Variants in KCND3 observed in about 807,000 individuals in gnomAD.
The protein encoded by KCND3 is potassium voltage-gated channel subfamily D member 3.
A neutral mutation model predicts 51.1 loss-of-function variants in KCND3; 9 were observed. The observed-to-expected ratio is 0.18, with a 90% CI of 0.11 to 0.31. The LOEUF (loss-of-function observed/expected upper bound fraction) is 0.31. Ranked by LOEUF, KCND3 falls within the 10% of genes least tolerant of loss-of-function variation. The pLI, the probability that KCND3 is intolerant of heterozygous loss-of-function variation, is 1.00. For missense variants in KCND3, 526 were observed against 903.8 expected (o/e 0.58, Z 5.36); for synonymous variants, 349 against 368.0 (o/e 0.95, Z 0.59).
chr1:111,857,873 T>C (rs1668154093), intron 2 of KCND3, among the ~76,000 whole-genome samples: 2 of 152,164 alleles, frequency 1.3e-5, no homozygotes, highest in South Asian at 4.1e-4. Flanking sequence ...CTAGAATGAA[T>C]GAATGATACT....
At chr1:111,838,331 G>C (rs1667161616) in intron 2 of KCND3, among the ~76,000 whole-genome samples, 1 of 152,174 alleles carries the variant, frequency 6.6e-6, no homozygotes, top group South Asian at 2.1e-4. Context: ...AATTTTCCCA[G>C]GTATGTGCTA....
chr1:111,898,719 C>T (rs573764515), intron 2 of KCND3, among the ~76,000 whole-genome samples: 2 of 152,140 alleles, frequency 1.3e-5, no homozygotes, highest in East Asian at 1.9e-4. Flanking sequence ...AAGGGCGAAA[C>T]GGAGACAGAA....
At chr1:111,809,108 G>GCT (rs1286034732) in intron 2 of KCND3, among the ~76,000 whole-genome samples, 1 of 152,204 alleles carries the variant, frequency 6.6e-6, no homozygotes, top group Non-Finnish European at 1.5e-5. Context: ...AAGCCTGGCT[G>GCT]CTGGGCTGTG....
intron 3 of KCND3, among the ~76,000 whole-genome samples, chr1:111,781,909 A>G (rs1664405428): frequency 6.6e-6 from 1 of 152,162 alleles, no homozygotes; most frequent in Admixed American, 6.5e-5. Flanking sequence ...TGAGAGAGGG[A>G]GAAGGGACTG....
chr1:111,958,667 TG>T (rs1673465747), intron 2 of KCND3, among the ~76,000 whole-genome samples: 1 of 152,242 alleles, frequency 6.6e-6, no homozygotes, highest in Non-Finnish European at 1.5e-5. Flanking sequence ...GGGATGCTTT[TG>T]TTGCTCCCCT....
At chr1:111,882,986 C>T (rs771000334) in intron 2 of KCND3, among the ~76,000 whole-genome samples, 2 of 152,202 alleles carry the variant, frequency 1.3e-5, no homozygotes, top group Non-Finnish European at 2.9e-5. Flanking sequence ...GCACCTTCCT[C>T]GAGAGCCTTC....
At chr1:111,797,206 G>A (rs1398521339) in intron 2 of KCND3, among the ~76,000 whole-genome samples, 2 of 152,198 alleles carry the variant, frequency 1.3e-5, no homozygotes, top group Non-Finnish European at 2.9e-5. Context: ...GGGGACTACT[G>A]CTTTAAATCA....
At chr1:111,956,370 C>A (rs890406279) in intron 2 of KCND3, among the ~76,000 whole-genome samples, 3 of 152,208 alleles carry the variant, frequency 2.0e-5, no homozygotes, top group Admixed American at 6.5e-5. Flanking sequence ...GGGGCAAGAG[C>A]CCATGGCAGC....
chr1:111,777,090 G>A lies in KCND3; in HGVS notation c.1702C>T (p.Arg568Cys), dbSNP rs144120746. ...ATCGTGCTGAGCTCTTGCATGCTGC[G>A]CAGGCGAGTAGCTGGCAGGTTAGAA... ...PNSNLPATRL[R>C]SMQELSTIHI... Residue 568 changes from arginine (R) to cysteine (C), a missense_variant, in exon 7 of 8, where the codon CGC becomes TGC. By Grantham distance (180) the Arg-to-Cys change is radical. Transcript: ENST00000302127. 51 of 1,614,052 alleles carry A rather than the reference G, an allele frequency of 3.2e-5. No homozygotes were observed. In the African/African-American group the frequency reaches 3.2e-4, roughly 10 times the overall value.
chr1:111,888,996 C>T (rs1241004630), intron 2 of KCND3, among the ~76,000 whole-genome samples: 2 of 152,128 alleles, frequency 1.3e-5, no homozygotes, highest in African/African-American at 2.4e-5. Context: ...GTTGTGTGTG[C>T]GAGGGCAGCA....
At chr1:111,779,711 TG>T (rs71580589) in intron 5 of KCND3, among the ~76,000 whole-genome samples, 2 of 16,360 alleles carry the variant, frequency 1.2e-4, no homozygotes, top group Admixed American at 7.3e-4. Flanking sequence ...GGGGTGGGGG[TG>T]GGGGGGCGGT....
intron 2 of KCND3, among the ~76,000 whole-genome samples, chr1:111,877,947 TCATATATATTA>T (rs1669125154): frequency 6.6e-6 from 1 of 152,164 alleles, no homozygotes; most frequent in Non-Finnish European, 1.5e-5. Context: ...TATGTGCAAT[TCATATATATTA>T]ACTCATCTAA....
chr1:111,970,081 A>G (rs1674244567), intron 2 of KCND3, among the ~76,000 whole-genome samples: 1 of 150,250 alleles, frequency 6.7e-6, no homozygotes, highest in Non-Finnish European at 1.5e-5. Flanking sequence ...CAATGGCGCG[A>G]TCTCAGCTCT....
In KCND3 at chr1:111,982,371, G is replaced by T. The variant is rs2101998598; in HGVS notation, c.356C>A (p.Ala119Asp). ...ECISAYDDEL[A>D]FYGILPEIIG... ...GATCTCCGGGAGGATGCCGTAGAAG[G>T]CCAGCTCGTCGTCGTAGGCAGAGAT... The change falls in exon 2 of 8, where the codon GCC becomes GAC. Residue 119 changes from alanine (A) to aspartate (D), a missense_variant. Physicochemically the swap from Ala to Asp is moderately radical, Grantham distance 126. Around this residue, in one of 5 missense-constraint regions of KCND3, gnomAD observed 159 missense variants for 262.8 expected, o/e 0.61. Coordinates refer to ENST00000302127, the MANE Select transcript of KCND3 (RefSeq NM_001378969.1). The surrounding 1 kb of genome is among the most constrained non-coding windows in gnomAD (Gnocchi z 8.5). 2 of 1,614,178 alleles carry T rather than the reference G, an allele frequency of 1.2e-6. No individual in the cohort carries two copies. The highest frequency in any genetic ancestry group is 2.7e-5 in the African/African-American group (2 of 75,048).
At chr1:111,912,702 T>C (rs1671019912) in intron 2 of KCND3, among the ~76,000 whole-genome samples, 1 of 152,184 alleles carries the variant, frequency 6.6e-6, no homozygotes, top group South Asian at 2.1e-4. Flanking sequence ...TAGGCTAATG[T>C]GTGTGTTTGT....
rs369918653 is a variant in KCND3, at chr1:111,878,986, T to C, written c.1107-91880A>G. 3.1e-3 allele frequency among the ~76,000 whole-genome samples: 469 copies of C among 152,276 alleles called. 7 individuals carry two copies. Among genetic ancestry groups the C allele is most frequent in the African/African-American group, 0.011 (456 of 41,548 alleles). ...TGAATAGGACAAAAAACACTGACCC[T>C]CCTGCAAAGAAGAGAAAATTCTTCC... On this transcript the variant is annotated intron_variant, in intron 2 of 7. Transcript: ENST00000302127.
chr1:111,925,194 AAC>A (rs1267168285), intron 2 of KCND3, among the ~76,000 whole-genome samples: 1 of 152,240 alleles, frequency 6.6e-6, no homozygotes, highest in Non-Finnish European at 1.5e-5. Context: ...GGCATTCAGC[AAC>A]CCCAGAATGT....
intron 1 of KCND3, among the ~76,000 whole-genome samples, chr1:111,984,519 TCTCTCA>T (rs1675155588): frequency 6.6e-6 from 1 of 152,142 alleles, no homozygotes; most frequent in Non-Finnish European, 1.5e-5. Flanking sequence ...GGCCTTCTTG[TCTCTCA>T]CTCTCACACC....
chr1:111,844,614 T>C (rs1475584106), intron 2 of KCND3, among the ~76,000 whole-genome samples: 3 of 152,168 alleles, frequency 2.0e-5, no homozygotes, highest in African/African-American at 4.8e-5. Flanking sequence ...CAAATGTTCA[T>C]CCCTTTCCTC....
Sources: gnomAD v4.1 joint callset for allele counts (sites outside exome capture counted in the v4.1 genomes callset) on GRCh38, gnomAD v4.1.1 for gene constraint, gnomAD v4.1.1 regional missense constraint, Gnocchi (gnomAD v3.1) non-coding constraint, MANE v1.5 for transcripts, NCBI Gene and HGNC (gene_info 2026-07-23, HGNC 2026-07-21) for gene names.